The following CLEC5A variants were observed in gnomAD, a reference collection of about 807,000 sequenced individuals.
The protein encoded by CLEC5A is C-type lectin domain containing 5A.
Under a neutral mutation model 24.4 loss-of-function variants are expected in CLEC5A, and 15 were observed. The observed-to-expected ratio is 0.62, with a 90% CI of 0.41 to 0.95. The LOEUF is 0.95. Among genes scored for constraint, CLEC5A ranks in the 40% least tolerant of loss-of-function variants. The pLI is 0.00. For missense variants in CLEC5A, 211 were observed against 224.0 expected, an observed-to-expected ratio of 0.94 and a Z score of 0.37; for synonymous variants, 71 against 72.6, an observed-to-expected ratio of 0.98 and a Z score of 0.11.
intron 5 of CLEC5A, among the ~76,000 whole-genome samples, chr7:141,933,322 G>A (rs1340100730): frequency 6.6e-6 from 1 of 152,008 alleles, no homozygotes; most frequent in Non-Finnish European, 1.5e-5. Flanking sequence ...GGGAGAGTAT[G>A]GACTTCCTGG....
At chr7:141,944,181 C>G (rs782371601) in intron 3 of CLEC5A, among the ~76,000 whole-genome samples, 1 of 152,076 alleles carries the variant, frequency 6.6e-6, no homozygotes, top group African/African-American at 2.4e-5. Context: ...TTTCATGTCT[C>G]CTTTTTTTGA....
chr7:141,944,916 C>A (rs1802908448), intron 3 of CLEC5A, among the ~76,000 whole-genome samples: 1 of 152,022 alleles, frequency 6.6e-6, no homozygotes, highest in Non-Finnish European at 1.5e-5. Flanking sequence ...TCTGTTGATA[C>A]TAAGATAAAT....
chr7:141,945,469 C>T, intron 2 of CLEC5A, 69 bp from the exon 3 acceptor site: 1 of 1,058,254 alleles, frequency 9.4e-7, no homozygotes, highest in Non-Finnish European at 1.5e-6. Context: ...AAACAAGTAT[C>T]AGCACAGGGG....
rs369049422 is a variant in CLEC5A at position 141,933,305 on chromosome 7, A to T, written c.346-1479T>A. On this transcript the variant is annotated intron_variant, in intron 5 of 6. Coordinates refer to ENST00000546910, the MANE Select transcript of CLEC5A (RefSeq NM_013252.3). ...GGAGATAGCTAAGTTTGTCAGACAA[A>T]CTGTCAGGGAGAGTATGGACTTCCT... Among the ~76,000 whole-genome samples, 124 of 152,220 alleles carry T rather than the reference A, an allele frequency of 8.1e-4. 1 individual carries two copies. The South Asian group carries it at 0.025, about 31-fold the overall frequency.
intron 5 of CLEC5A, 22 bp downstream of exon 5, chr7:141,935,792 T>G (rs1802601119): frequency 3.7e-6 from 6 of 1,612,784 alleles, no homozygotes; most frequent in Non-Finnish European, 5.1e-6. Flanking sequence ...GTGGCTTTAC[T>G]GTACCATTCC....
chr7:141,941,495 C>T (rs1265229971), intron 4 of CLEC5A, among the ~76,000 whole-genome samples: 1 of 152,036 alleles, frequency 6.6e-6, no homozygotes, highest in Non-Finnish European at 1.5e-5. Context: ...AAAATGAAAG[C>T]CTTTCCTGTA....
At chr7:141,945,649 AACTACTGCCTCCC>A (rs1250522945) in intron 2 of CLEC5A, among the ~76,000 whole-genome samples, 1 of 152,168 alleles carries the variant, frequency 6.6e-6, no homozygotes, top group Non-Finnish European at 1.5e-5. Context: ...CCTCTTAGCT[AACTACTGCCTCCC>A]ACTCACGTTT....
intron 4 of CLEC5A, among the ~76,000 whole-genome samples, chr7:141,938,321 A>G (rs1802689935): frequency 6.6e-6 from 1 of 152,214 alleles, no homozygotes; most frequent in African/African-American, 2.4e-5. Context: ...ACTAAGAGAT[A>G]GAAATAATTA....
intron 4 of CLEC5A, among the ~76,000 whole-genome samples, chr7:141,943,205 A>C (rs1157941069): frequency 1.3e-5 from 2 of 152,230 alleles, no homozygotes; most frequent in Non-Finnish European, 2.9e-5. Context: ...TGGATAAAGA[A>C]GTGTGGTACA....
In CLEC5A at chr7:141,944,560, G is replaced by C. The variant is rs570648900; in HGVS notation, c.140-596C>G. ...GGGAGATTTTCTATAAGCAGGGAAGGGTCCATTCATTTCTAGAAATCCATA... is the reference window on the plus strand; with the variant it reads ...GGGAGATTTTCTATAAGCAGGGAAGCGTCCATTCATTTCTAGAAATCCATA... On this transcript the variant is annotated intron_variant, in intron 3 of 6. Transcript: ENST00000546910. Among the ~76,000 whole-genome samples, 3 of 152,220 alleles carry C rather than the reference G, an allele frequency of 2.0e-5. No homozygotes were observed. In the South Asian group the frequency reaches 6.2e-4, roughly 32 times the overall value.
In CLEC5A at chr7:141,944,188, T is replaced by C. The variant is rs1204008611; in HGVS notation, c.140-224A>G. Among the ~76,000 whole-genome samples, 6 of 152,152 alleles carry C rather than the reference T, an allele frequency of 3.9e-5. No individual in the cohort carries two copies. The South Asian group carries it at 8.3e-4, about 21-fold the overall frequency. On this transcript the variant is annotated intron_variant, in intron 3 of 6. Coordinates refer to ENST00000546910, the MANE Select transcript of CLEC5A (RefSeq NM_013252.3). ...AAATCCTATTTCATGTCTCCTTTTT[T>C]TGATGTAGCCATAGGCATCAAATCC...
At chr7:141,931,175 G>T (rs1554440311) in intron 6 of CLEC5A, among the ~76,000 whole-genome samples, 2 of 152,196 alleles carry the variant, frequency 1.3e-5, no homozygotes, top group African/African-American at 4.8e-5. Context: ...GGGGAAACTT[G>T]TATGTACTTT....
At chr7:141,935,164 C>A (rs78845825) in intron 5 of CLEC5A, among the ~76,000 whole-genome samples, 1 of 152,054 alleles carries the variant, frequency 6.6e-6, no homozygotes, top group African/African-American at 2.4e-5. Flanking sequence ...GGGATAGAAG[C>A]GAGAGAAGCA....
intron 4 of CLEC5A, among the ~76,000 whole-genome samples, chr7:141,938,871 G>A (rs1439784822): frequency 6.6e-6 from 1 of 152,186 alleles, no homozygotes; most frequent in Non-Finnish European, 1.5e-5. Context: ...GCATATTTAA[G>A]TTGCTGAAGC....
intron 4 of CLEC5A, among the ~76,000 whole-genome samples, chr7:141,942,334 A>C (rs1213174490): frequency 1.3e-5 from 2 of 152,166 alleles, no homozygotes; most frequent in Non-Finnish European, 2.9e-5. Context: ...AGGAAGGGAC[A>C]GTGTCTTCAA....
intron 4 of CLEC5A, among the ~76,000 whole-genome samples, chr7:141,937,012 AC>A (rs1195828380): frequency 1.3e-5 from 2 of 151,942 alleles, no homozygotes; most frequent in Non-Finnish European, 2.9e-5. Context: ...AGGATCCCTT[AC>A]CTGCTGATGA....
intron 2 of CLEC5A, 143 bp downstream of exon 2, chr7:141,946,071 C>T: frequency 1.3e-6 from 1 of 799,764 alleles, no homozygotes; most frequent in South Asian, 1.8e-5. Context: ...AAAGGCATTG[C>T]CAATTGACCT....
At chr7:141,945,762 TTAAC>T (rs1802935245) in intron 2 of CLEC5A, 5 of 347,844 alleles carry the variant, frequency 1.4e-5, no homozygotes, top group South Asian at 9.1e-5. Context: ...GGAGGCTTCT[TTAAC>T]TAGGCATTTG....
intron 5 of CLEC5A, among the ~76,000 whole-genome samples, chr7:141,935,501 C>T (rs1802590747): frequency 2.0e-5 from 3 of 152,308 alleles, no homozygotes; most frequent in Admixed American, 2.0e-4. Context: ...TACACATCAT[C>T]TCATTTGGTC....
Sources: gnomAD v4.1 joint callset for allele counts (sites outside exome capture counted in the v4.1 genomes callset) on GRCh38, gnomAD v4.1.1 for gene constraint, MANE v1.5 for transcripts, NCBI Gene and HGNC (gene_info 2026-07-23, HGNC 2026-07-21) for gene names.